SCN9A: variants seen among roughly 807,000 people sequenced by gnomAD.
SCN9A encodes the protein sodium channel protein type 9 subunit alpha.
Under a neutral mutation model 187.0 loss-of-function variants are expected in SCN9A, and 131 were observed. The observed-to-expected ratio is 0.70, with a 90% CI of 0.61 to 0.81. The LOEUF (loss-of-function observed/expected upper bound fraction) is 0.81, where lower values mean the gene tolerates loss of function less well. Ranked by LOEUF, SCN9A falls within the 30% of genes least tolerant of loss-of-function variation. The pLI, the probability that SCN9A is intolerant of heterozygous loss-of-function variation, is 0.00. For missense variants in SCN9A, 2,252 were observed against 2,396.6 expected (o/e 0.94, Z 1.26); for synonymous variants, 809 against 808.6 (o/e 1.00, Z -0.01).
At chr2:166,304,649 C>T (rs1698693498) in intron 5 of SCN9A, among the ~76,000 whole-genome samples, 1 of 151,818 alleles carries the variant, frequency 6.6e-6, no homozygotes, top group African/African-American at 2.4e-5. Flanking sequence ...AAATAGTATG[C>T]TAAGTGTCAG....
At chr2:166,253,069 A>G (rs1263598429) in intron 17 of SCN9A, among the ~76,000 whole-genome samples, 2 of 151,976 alleles carry the variant, frequency 1.3e-5, no homozygotes, top group African/African-American at 2.4e-5. Flanking sequence ...ATGAATTTGT[A>G]TTAATATGAT....
chr2:166,283,016 A>G (rs1466622436), intron 12 of SCN9A, among the ~76,000 whole-genome samples: 1 of 152,000 alleles, frequency 6.6e-6, no homozygotes, highest in African/African-American at 2.4e-5. Context: ...CTGTATTTCC[A>G]TTGTATCTTA....
At chr2:166,259,379 C>A (rs1025368424) in intron 17 of SCN9A, 4 of 151,596 alleles carry the variant, frequency 2.6e-5, no homozygotes, top group African/African-American at 9.7e-5. Flanking sequence ...AAGTCATATA[C>A]CTGTAAGTAG....
intron 1 of SCN9A, among the ~76,000 whole-genome samples, chr2:166,353,054 T>C (rs1700077118): frequency 6.6e-6 from 1 of 151,708 alleles, no homozygotes; most frequent in African/African-American, 2.4e-5. Context: ...CAAATTTCTT[T>C]TGAAAAAAGA....
At chr2:166,278,570 A>G (rs1697340921) in intron 14 of SCN9A, among the ~76,000 whole-genome samples, 1 of 152,224 alleles carries the variant, frequency 6.6e-6, no homozygotes, top group Admixed American at 6.5e-5. Flanking sequence ...TTAGAATAGC[A>G]TATTAAAATT....
At chr2:166,367,147 T>C (rs150184169) in intron 1 of SCN9A, among the ~76,000 whole-genome samples, 107 of 152,378 alleles carry the variant, frequency 7.0e-4, no homozygotes, top group African/African-American at 2.4e-3. Context: ...CATCTTATCC[T>C]GCACAAGATC....
intron 19 of SCN9A, among the ~76,000 whole-genome samples, chr2:166,241,672 GA>G (rs1695570636): frequency 2.0e-5 from 1 of 50,280 alleles, no homozygotes. Context: ...TTACGTTTCT[GA>G]AATTGCAAGC....
chr2:166,209,403 G>C (rs545438180), intron 24 of SCN9A, among the ~76,000 whole-genome samples: 3 of 152,150 alleles, frequency 2.0e-5, no homozygotes, highest in African/African-American at 7.2e-5. Context: ...AAGTACCAGA[G>C]AACAGAGATA....
intron 24 of SCN9A, among the ~76,000 whole-genome samples, chr2:166,215,042 T>C (rs548479929): frequency 6.6e-6 from 1 of 152,336 alleles, no homozygotes; most frequent in African/African-American, 2.4e-5. Flanking sequence ...ATAGATCACA[T>C]GTTAGGCCAC....
At chr2:166,199,956 TTCTTA>T in intron 26 of SCN9A, 92 bp from the exon 27 acceptor site, 1 of 655,898 alleles carries the variant, frequency 1.5e-6, no homozygotes, top group Non-Finnish European at 2.6e-6. Context: ...GTCAACTCAT[TTCTTA>T]TGAATTCAAG....
chr2:166,346,866 A>G (rs1699913169), intron 1 of SCN9A, among the ~76,000 whole-genome samples: 1 of 152,188 alleles, frequency 6.6e-6, no homozygotes, highest in South Asian at 2.1e-4. Context: ...CATCAGAAAG[A>G]CACAAAAATA....
chr2:166,347,424 C>T (rs1254853003), intron 1 of SCN9A, among the ~76,000 whole-genome samples: 2 of 152,116 alleles, frequency 1.3e-5, no homozygotes, highest in Non-Finnish European at 2.9e-5. Flanking sequence ...TCTTGACACC[C>T]AGGGGATAGG....
Position 166,226,712 on chromosome 2 carries a change from AT to A in SCN9A, c.4261-9del. 1.3e-6 allele frequency: 2 copies of A among 1,548,552 alleles called. No homozygotes were observed. The highest frequency in any genetic ancestry group is 1.4e-5 in the African/African-American group (1 of 72,368). Reference sequence around the variant, plus strand: ...TTTGGGCTGCTTGTCTACCTATAAAATTTACAAAAGTTAGCATTATATGGAC... The same window carrying A: ...TTTGGGCTGCTTGTCTACCTATAAAATTACAAAAGTTAGCATTATATGGAC... On this transcript the variant is annotated splice_polypyrimidine_tract_variant and intron_variant, in intron 23 of 26. Coordinates refer to ENST00000642356, the MANE Select transcript of SCN9A (RefSeq NM_001365536.1).
chr2:166,332,231 C>T (rs988024283), intron 1 of SCN9A, among the ~76,000 whole-genome samples: 1 of 152,116 alleles, frequency 6.6e-6, no homozygotes, highest in East Asian at 1.9e-4. Flanking sequence ...AGTAGTCTAG[C>T]CAGCTGGGTC....
Position 166,278,244 on chromosome 2 carries a change from G to A in SCN9A, c.2413C>T (p.Gln805Ter). Reference sequence around the variant, plus strand: ...CTGTCAAAAATATTCCAGCCTACTTGGAAATACTCATATGGATCCATGGCA... The same window carrying A: ...CTGTCAAAAATATTCCAGCCTACTTAGAAATACTCATATGGATCCATGGCA... ...LIAMDPYEYF[Q>*]VGWNIFDSLI... The change falls in exon 15 of 27, where the codon CAA becomes TAA. Residue 805 changes from glutamine to a stop codon, truncating the protein, a stop_gained. Coordinates refer to ENST00000642356, the MANE Select transcript of SCN9A (RefSeq NM_001365536.1). LOFTEE classifies it high-confidence loss of function. 1.2e-6 allele frequency: 2 copies of A among 1,612,424 alleles called. No homozygotes were observed. Among genetic ancestry groups the A allele is most frequent in the Non-Finnish European group, 1.7e-6 (2 of 1,179,288 alleles).
At position 166,238,258 on chromosome 2, in the gene SCN9A, C is replaced by T. The variant is rs1216048175; in HGVS notation, c.3637G>A (p.Asp1213Asn). Residue 1213 changes from aspartate (D) to asparagine (N), a missense_variant, in exon 20 of 27, where the codon GAT (aspartate) becomes AAT (asparagine). Physicochemically the swap from Asp to Asn is conservative, Grantham distance 23 (BLOSUM62 1). Transcript: ENST00000642356. ...GTCTTTTTCCTTTCAATATAAATAT[C>T]TTCAAAAGCCTGTGGAAATAATATT... ...LLSSGALAFE[D>N]IYIERKKTIK... 6.4e-7 allele frequency: 1 copy of T among 1,553,394 alleles called. No individual in the cohort carries two copies. The highest frequency in any genetic ancestry group is 1.3e-5 in the South Asian group (1 of 79,672).
At chr2:166,306,202 CCAAT>C (rs1181733551) in intron 4 of SCN9A, among the ~76,000 whole-genome samples, 1 of 151,924 alleles carries the variant, frequency 6.6e-6, no homozygotes, top group African/African-American at 2.4e-5. Context: ...AAAAATTCAC[CCAAT>C]CATTTAAAAA....
At chr2:166,289,253 G>A (rs972649917) in intron 9 of SCN9A, among the ~76,000 whole-genome samples, 1 of 150,604 alleles carries the variant, frequency 6.6e-6, no homozygotes, top group East Asian at 2.0e-4. Context: ...TTGTTACATG[G>A]GTAGACACGT....
chr2:166,365,770 G>C (rs1161040693), intron 1 of SCN9A, among the ~76,000 whole-genome samples: 1 of 151,988 alleles, frequency 6.6e-6, no homozygotes, highest in African/African-American at 2.4e-5. Context: ...TCAATTCTCT[G>C]TCCTGTTTTA....
Sources: gnomAD v4.1 joint callset for allele counts (sites outside exome capture counted in the v4.1 genomes callset) on GRCh38, gnomAD v4.1.1 for gene constraint, MANE v1.5 for transcripts, NCBI Gene and HGNC (gene_info 2026-07-23, HGNC 2026-07-21) for gene names.